Variants in BRINP3 observed in about 807,000 individuals in gnomAD.
BRINP3 encodes BMP/retinoic acid inducible neural specific 3.
Under a neutral mutation model 71.0 loss-of-function variants are expected in BRINP3, and 19 were observed. The ratio of observed to expected loss-of-function variants is 0.27; its 90% confidence interval spans 0.19 to 0.39. The LOEUF (loss-of-function observed/expected upper bound fraction) is 0.39, where lower values mean the gene tolerates loss of function less well. Among genes scored for constraint, BRINP3 ranks in the 10% least tolerant of loss-of-function variants. BRINP3 has a pLI of 1.00. For missense variants in BRINP3, 959 were observed against 940.8 expected, an observed-to-expected ratio of 1.02 and a Z score of -0.25; for synonymous variants, 380 against 337.7, an observed-to-expected ratio of 1.13 and a Z score of -1.37.
intron 7 of BRINP3, among the ~76,000 whole-genome samples, chr1:190,113,110 T>C (rs1316926697): frequency 5.3e-5 from 8 of 152,118 alleles, no homozygotes; most frequent in Non-Finnish European, 1.0e-4. Context: ...ACTTTGAATA[T>C]GTACAAATAT....
At chr1:190,311,014 A>G (rs864618) in intron 2 of BRINP3, among the ~76,000 whole-genome samples, 1,782 of 151,816 alleles carry the variant, frequency 0.012, 19 homozygotes, top group Non-Finnish European at 0.018. Context: ...TCATTATTGA[A>G]TGCTAGAGCC....
intron 2 of BRINP3, among the ~76,000 whole-genome samples, chr1:190,356,808 A>G (rs1322100392): frequency 6.6e-6 from 1 of 152,094 alleles, no homozygotes; most frequent in African/African-American, 2.4e-5. Flanking sequence ...TGTCTACCAC[A>G]CCAAGTAATC....
At chr1:190,291,690 T>G (rs1021403915) in intron 2 of BRINP3, among the ~76,000 whole-genome samples, 2 of 152,150 alleles carry the variant, frequency 1.3e-5, no homozygotes, top group Non-Finnish European at 1.5e-5. Flanking sequence ...AAGGTAACCC[T>G]TGCACACAGT....
intron 2 of BRINP3, among the ~76,000 whole-genome samples, chr1:190,374,721 A>G (rs976176862): frequency 6.6e-6 from 1 of 152,026 alleles, no homozygotes; most frequent in Non-Finnish European, 1.5e-5. Flanking sequence ...AAGAACAAAA[A>G]GCATGAAAAT....
intron 6 of BRINP3, among the ~76,000 whole-genome samples, chr1:190,168,231 AG>A (rs1651726894): frequency 6.6e-6 from 1 of 152,030 alleles, no homozygotes. Context: ...ATATATAAAA[AG>A]CAAGACATAG....
At chr1:190,250,856 C>T (rs1410837280) in intron 4 of BRINP3, among the ~76,000 whole-genome samples, 1 of 151,898 alleles carries the variant, frequency 6.6e-6, no homozygotes, top group East Asian at 1.9e-4. Context: ...TAGCCTGTAT[C>T]TCAGGTTCAG....
chr1:190,469,522 C>A (rs979624106), intron 1 of BRINP3, among the ~76,000 whole-genome samples: 4 of 150,774 alleles, frequency 2.7e-5, no homozygotes, highest in Non-Finnish European at 4.5e-5. Context: ...CATAATTTTT[C>A]TTCTACCAAT....
intron 2 of BRINP3, among the ~76,000 whole-genome samples, chr1:190,431,697 G>A (rs1674109725): frequency 6.6e-6 from 1 of 152,030 alleles, no homozygotes; most frequent in African/African-American, 2.4e-5. Context: ...ACTGAAAAAT[G>A]TGAAGATTTC....
At chr1:190,175,472 C>T (rs61819034) in intron 6 of BRINP3, among the ~76,000 whole-genome samples, 1,937 of 152,194 alleles carry the variant, frequency 0.013, 21 homozygotes, top group Non-Finnish European at 0.021. Flanking sequence ...TATTACTTAA[C>T]TCATCCTAAA....
At chr1:190,465,266 A>C (rs1459764515) in intron 1 of BRINP3, among the ~76,000 whole-genome samples, 5 of 151,992 alleles carry the variant, frequency 3.3e-5, no homozygotes, top group South Asian at 2.1e-4. Context: ...ATGAAGTCCA[A>C]ATGAAAGATG....
At chr1:190,451,933 G>GT (rs1675634739) in intron 2 of BRINP3, among the ~76,000 whole-genome samples, 1 of 152,124 alleles carries the variant, frequency 6.6e-6, no homozygotes, top group African/African-American at 2.4e-5. Context: ...GGTTTGATAT[G>GT]TTTTACATTT....
intron 6 of BRINP3, among the ~76,000 whole-genome samples, chr1:190,198,027 C>T (rs1457574135): frequency 3.3e-5 from 5 of 152,156 alleles, no homozygotes; most frequent in African/African-American, 1.2e-4. Context: ...AACCTCAGTT[C>T]TTGACTCTGT....
At chr1:190,267,397 T>C (rs1453813630) in intron 3 of BRINP3, among the ~76,000 whole-genome samples, 6 of 152,090 alleles carry the variant, frequency 3.9e-5, no homozygotes, top group African/African-American at 1.2e-4. Flanking sequence ...ATTTGAATGA[T>C]AGGCTAACTT....
intron 2 of BRINP3, among the ~76,000 whole-genome samples, chr1:190,378,432 C>A (rs1670316681): frequency 6.6e-6 from 1 of 152,152 alleles, no homozygotes; most frequent in Non-Finnish European, 1.5e-5. Flanking sequence ...ATCTATTCCT[C>A]CTATAAAGAC....
intron 6 of BRINP3, among the ~76,000 whole-genome samples, chr1:190,169,764 A>C (rs1055146466): frequency 3.3e-5 from 5 of 152,170 alleles, no homozygotes; most frequent in African/African-American, 1.2e-4. Flanking sequence ...ATTACTATGA[A>C]AACAATAAAA....
chr1:190,188,836 C>T (rs983248623), intron 6 of BRINP3, among the ~76,000 whole-genome samples: 1 of 151,914 alleles, frequency 6.6e-6, no homozygotes, highest in African/African-American at 2.4e-5. Flanking sequence ...TCTCGGCTCA[C>T]TGCAACCTCT....
At chr1:190,353,672 G>A (rs965915590) in intron 2 of BRINP3, among the ~76,000 whole-genome samples, 3 of 151,864 alleles carry the variant, frequency 2.0e-5, no homozygotes, top group Non-Finnish European at 4.4e-5. Flanking sequence ...TCTTTAAAAA[G>A]GAAGTGGATG....
chr1:190,390,461 T>C (rs1023750223), intron 2 of BRINP3, among the ~76,000 whole-genome samples: 12 of 151,730 alleles, frequency 7.9e-5, no homozygotes, highest in African/African-American at 2.9e-4. Flanking sequence ...GGTCGGGGTA[T>C]TAGAAGAATC....
intron 2 of BRINP3, among the ~76,000 whole-genome samples, chr1:190,425,725 T>C (rs541920137): frequency 5.9e-5 from 9 of 151,966 alleles, no homozygotes; most frequent in Non-Finnish European, 1.2e-4. Flanking sequence ...AACAGCTAAG[T>C]TGGCAAAACC....
Sources: allele counts gnomAD v4.1 joint callset (sites outside exome capture counted in the v4.1 genomes callset), GRCh38; gene constraint gnomAD v4.1.1; transcripts MANE v1.5; gene names NCBI Gene and HGNC (gene_info 2026-07-23, HGNC 2026-07-21).